The following ZNF236 variants were observed in gnomAD, a reference collection of about 807,000 sequenced individuals.
ZNF236 encodes zinc finger protein 236, also known as regulated by glucose.
A neutral mutation model predicts 191.2 loss-of-function variants in ZNF236; 50 were observed. The ratio of observed to expected loss-of-function variants is 0.26; its 90% CI spans 0.21 to 0.33. ZNF236 has a LOEUF of 0.33. Among genes scored for constraint, ZNF236 ranks in the 10% least tolerant of loss-of-function variants. ZNF236 has a pLI of 1.00. For synonymous variants in ZNF236, 907 were observed against 928.8 expected (o/e 0.98, Z 0.43); for missense variants, 1,754 against 2,374.5 (o/e 0.74, Z 5.43).
At position 76,919,268 on chromosome 18, in the gene ZNF236, C is replaced by G. The variant is rs1967468099; in HGVS notation, c.3275-508C>G. Among the ~76,000 whole-genome samples, 1 of 152,164 alleles carries G rather than the reference C, an allele frequency of 6.6e-6. No individual in the cohort carries two copies. Among genetic ancestry groups the G allele is most frequent in the South Asian group, 2.1e-4 (1 of 4,832 alleles). On this transcript the variant is annotated intron_variant, in intron 19 of 30. Coordinates refer to ENST00000320610, the MANE Select transcript of ZNF236 (RefSeq NM_001306089.2). The surrounding 1 kb of genome is among the most constrained non-coding windows in gnomAD (Gnocchi z 5.3). ...GGTCATCACTCTCCTAAAGGATGCC[C>G]TTCACTTGGCTTTTTTTTGGTTACA...
At chr18:76,961,231 C>T (rs983120025) in intron 30 of ZNF236, among the ~76,000 whole-genome samples, 1 of 152,052 alleles carries the variant, frequency 6.6e-6, no homozygotes, top group African/African-American at 2.4e-5. Flanking sequence ...AGCTTAGCTC[C>T]CACTTATGAG....
chr18:76,861,375 A>C (rs1409206064), intron 3 of ZNF236, among the ~76,000 whole-genome samples: 1 of 152,130 alleles, frequency 6.6e-6, no homozygotes, highest in African/African-American at 2.4e-5. Context: ...TAAAGGCGTT[A>C]TCTGGAAGAT....
At position 76,913,803 on chromosome 18, in the gene ZNF236, G is replaced by A. The variant is rs367688595; in HGVS notation, c.2966G>A (p.Arg989Gln). ...KKSSHLKQHVRSHTGEKPYKC... is the reference protein window; with the variant it reads ...KKSSHLKQHVQSHTGEKPYKC... ...TCCAGCCACCTGAAGCAGCATGTGC[G>A]GTCGCACACCGGGGAAAAGCCCTAC... The change falls in exon 18 of 31, where the codon CGG (arginine) becomes CAG (glutamine). Residue 989 changes from arginine (R) to glutamine (Q), a missense_variant. Coordinates refer to ENST00000320610, the MANE Select transcript of ZNF236 (RefSeq NM_001306089.2). 28 of 1,614,206 alleles carry A rather than the reference G, an allele frequency of 1.7e-5. No individual in the cohort carries two copies. The highest frequency in any genetic ancestry group is 5.0e-5 in the Admixed American group (3 of 60,036).
At chr18:76,832,759 TA>T (rs1306660014) in intron 1 of ZNF236, among the ~76,000 whole-genome samples, 4 of 152,164 alleles carry the variant, frequency 2.6e-5, no homozygotes, top group Non-Finnish European at 4.4e-5. Context: ...TAAGTTTTCC[TA>T]AAAAAACTTG....
Position 76,928,014 on chromosome 18 carries a change from A to G in ZNF236, c.4502A>G (p.Asn1501Ser), listed in dbSNP as rs1967751503. 3.7e-6 allele frequency: 6 copies of G among 1,613,142 alleles called. No homozygotes were observed. Among genetic ancestry groups the G allele is most frequent in the Non-Finnish European group, 5.1e-6 (6 of 1,179,712 alleles). ...GPHEITLTIN[N>S]SSLSQVLAQA... Reference sequence around the variant, plus strand: ...CACGAGATCACCCTGACCATTAACAACTCCAGCCTGAGCCAGGTCCTGGCA... The same window carrying G: ...CACGAGATCACCCTGACCATTAACAGCTCCAGCCTGAGCCAGGTCCTGGCA... The change falls in exon 25 of 31, where the codon AAC becomes AGC. Residue 1501 changes from asparagine to serine, a missense_variant. Transcript: ENST00000320610.
At chr18:76,834,750 T>C in intron 1 of ZNF236, 1 of 454,930 alleles carries the variant, frequency 2.2e-6, no homozygotes, top group South Asian at 1.8e-5. Context: ...CGGATGGGCA[T>C]GGATCGAACA....
chr18:76,939,477 A>G (rs1968077608), intron 26 of ZNF236, among the ~76,000 whole-genome samples: 1 of 152,156 alleles, frequency 6.6e-6, no homozygotes, highest in African/African-American at 2.4e-5. Flanking sequence ...ACTGTATCTC[A>G]GGGCCTAGTG....
chr18:76,872,230 C>T (rs1027351840), intron 5 of ZNF236, among the ~76,000 whole-genome samples: 2 of 152,140 alleles, frequency 1.3e-5, no homozygotes, highest in South Asian at 2.1e-4. Context: ...TCCATAATCC[C>T]AGCACTTTGG....
intron 30 of ZNF236, among the ~76,000 whole-genome samples, chr18:76,964,937 G>A (rs1396531307): frequency 6.6e-6 from 1 of 152,166 alleles, no homozygotes; most frequent in Non-Finnish European, 1.5e-5. Flanking sequence ...TCTCTAGCAA[G>A]GCCAGGGAAG....
At chr18:76,850,812 A>G (rs1241921653) in intron 2 of ZNF236, among the ~76,000 whole-genome samples, 1 of 151,924 alleles carries the variant, frequency 6.6e-6, no homozygotes, top group African/African-American at 2.4e-5. Flanking sequence ...CATGTTGGCC[A>G]GGCTGGTCTC....
At chr18:76,826,900 T>C (rs1194297313) in intron 1 of ZNF236, among the ~76,000 whole-genome samples, 1 of 151,800 alleles carries the variant, frequency 6.6e-6, no homozygotes, top group East Asian at 1.9e-4. Context: ...TTTTTGTTTT[T>C]GTTTTTGTTT....
chr18:76,864,679 G>A (rs1212116796), intron 3 of ZNF236, among the ~76,000 whole-genome samples: 2 of 149,958 alleles, frequency 1.3e-5, no homozygotes, highest in East Asian at 1.9e-4. Context: ...ATCATCTAGT[G>A]TGCTCAGTGT....
At chr18:76,865,435 A>G (rs779854201) in intron 3 of ZNF236, among the ~76,000 whole-genome samples, 1 of 152,250 alleles carries the variant, frequency 6.6e-6, no homozygotes, top group Admixed American at 6.5e-5. Flanking sequence ...GGCCCAGCAC[A>G]GTTCCTGGCA....
At chr18:76,829,800 C>A (rs1417636427) in intron 1 of ZNF236, among the ~76,000 whole-genome samples, 1 of 152,216 alleles carries the variant, frequency 6.6e-6, no homozygotes, top group Non-Finnish European at 1.5e-5. Context: ...TGTGTTCGTG[C>A]CCCTCGCAGT....
intron 9 of ZNF236, among the ~76,000 whole-genome samples, chr18:76,892,818 CG>C (rs1167202942): frequency 6.6e-6 from 1 of 152,216 alleles, no homozygotes; most frequent in Non-Finnish European, 1.5e-5. Flanking sequence ...CCGCCCGCCT[CG>C]GCCTCCCAAA....
At position 76,880,633 on chromosome 18, in the gene ZNF236, A is replaced by G. The variant is rs1976864907; in HGVS notation, c.1188+317A>G. On this transcript the variant is annotated intron_variant, in intron 8 of 30. Coordinates refer to ENST00000320610, the MANE Select transcript of ZNF236 (RefSeq NM_001306089.2). The surrounding 1 kb of genome is among the most constrained non-coding windows in gnomAD (Gnocchi z 5.0). ...TTGACAGAGGTGGAAAAAGCGTTTTATTCTTTCTTGAGGTTCTGGTTTATG... is the reference window on the plus strand; with the variant it reads ...TTGACAGAGGTGGAAAAAGCGTTTTGTTCTTTCTTGAGGTTCTGGTTTATG... 6.6e-6 allele frequency among the ~76,000 whole-genome samples: 1 copy of G among 152,068 alleles called. No homozygotes were observed. The highest frequency in any genetic ancestry group is 1.5e-5 in the Non-Finnish European group (1 of 67,986).
intron 1 of ZNF236, among the ~76,000 whole-genome samples, chr18:76,847,306 A>G (rs752558710): frequency 3.3e-5 from 5 of 152,166 alleles, no homozygotes; most frequent in African/African-American, 4.8e-5. Context: ...CCTTTAGGTT[A>G]AAACACTTGT....
intron 12 of ZNF236, 47 bp downstream of exon 12, chr18:76,904,568 C>T: frequency 1.3e-6 from 2 of 1,518,794 alleles, no homozygotes; most frequent in Middle Eastern, 1.9e-4. Flanking sequence ...ATTAAACTGA[C>T]TTAGTGACCT....
Position 76,964,712 on chromosome 18 carries a change from A to T in ZNF236, c.5420-3503A>T, listed in dbSNP as rs561553123. ...GCTGTCTATCTCATTTTTTAGATCT[A>T]TTAGTAATTGTTTTATAAATTTGGG... On this transcript the variant is annotated intron_variant, in intron 30 of 30. Coordinates refer to ENST00000320610, the MANE Select transcript of ZNF236 (RefSeq NM_001306089.2). Among the ~76,000 whole-genome samples, 42 of 152,094 alleles carry T rather than the reference A, an allele frequency of 2.8e-4. 2 individuals are homozygous for T. In the South Asian group the frequency reaches 8.5e-3, roughly 31 times the overall value.
Sources: gnomAD v4.1 joint callset for allele counts (sites outside exome capture counted in the v4.1 genomes callset) on GRCh38, gnomAD v4.1.1 for gene constraint, Gnocchi (gnomAD v3.1) non-coding constraint, MANE v1.5 for transcripts, NCBI Gene and HGNC (gene_info 2026-07-23, HGNC 2026-07-21) for gene names.